Variants in PLIN5 observed in about 807,000 individuals in gnomAD.
The protein encoded by PLIN5 is perilipin 5, also known as perilipin-5.
A neutral mutation model predicts 32.8 loss-of-function variants in PLIN5; 34 were observed. The observed-to-expected ratio is 1.04, with a 90% CI of 0.79 to 1.38. PLIN5 has a LOEUF of 1.38. PLIN5 is among the 40% of genes most tolerant of loss of function. The pLI, the probability that PLIN5 is intolerant of heterozygous loss-of-function variation, is 0.00. For synonymous variants in PLIN5, 309 were observed against 292.9 expected, an observed-to-expected ratio of 1.05 and a Z score of -0.56; for missense variants, 712 against 660.5, an observed-to-expected ratio of 1.08 and a Z score of -0.85.
At chr19:4,528,135 T>C (rs1227504715) in intron 5 of PLIN5, among the ~76,000 whole-genome samples, 1 of 151,982 alleles carries the variant, frequency 6.6e-6, no homozygotes, top group East Asian at 2.0e-4. Flanking sequence ...GGTCTCGATC[T>C]CCTGACCTCG....
chr19:4,526,891 A>G (rs1976809839), intron 5 of PLIN5, among the ~76,000 whole-genome samples: 1 of 151,880 alleles, frequency 6.6e-6, no homozygotes. Context: ...ATGAATGAAA[A>G]ATAATAAAAA....
At chr19:4,527,627 C>T (rs928487301) in intron 5 of PLIN5, among the ~76,000 whole-genome samples, 11 of 147,054 alleles carry the variant, frequency 7.5e-5, no homozygotes, top group Non-Finnish European at 1.3e-4. Flanking sequence ...GAAGTCAAGG[C>T]AGGTGGCTCA....
chr19:4,530,527 G>T (rs1178727290), intron 3 of PLIN5, among the ~76,000 whole-genome samples: 1 of 152,114 alleles, frequency 6.6e-6, no homozygotes, highest in Non-Finnish European at 1.5e-5. Context: ...GGCAGAGGCA[G>T]GTGCAGAGGG....
At position 4,523,741 on chromosome 19, in the gene PLIN5, C is replaced by T. The variant is rs115044192; in HGVS notation, c.1179G>A (p.Ala393=). The change falls in exon 8 of 8, where the codon GCG becomes GCA. Residue 393 remains alanine (A), a synonymous_variant. Coordinates refer to ENST00000381848, the MANE Select transcript of PLIN5 (RefSeq NM_001013706.3). The surrounding 1 kb of genome is among the most constrained non-coding windows in gnomAD (Gnocchi z 5.0). ...CCCCGATGACCTCGTCCACCAGGTCCGCCAGGTCGGGCAGGGGCTCGGGTC... is the reference window on the plus strand; with the variant it reads ...CCCCGATGACCTCGTCCACCAGGTCTGCCAGGTCGGGCAGGGGCTCGGGTC... ...VERPEPLPDL[A]DLVDEVIGGP... 1.9e-3 allele frequency: 3,021 copies of T among 1,601,128 alleles called. 52 individuals carry two copies. The African/African-American group carries it at 0.034, about 18-fold the overall frequency.
At chr19:4,530,995 G>C (rs1380426951) in intron 3 of PLIN5, among the ~76,000 whole-genome samples, 1 of 144,310 alleles carries the variant, frequency 6.9e-6, no homozygotes, top group Non-Finnish European at 1.5e-5. Context: ...AGTTTTTTTT[G>C]TTTGTTTTTG....
At chr19:4,527,428 G>A (rs376981491) in intron 5 of PLIN5, among the ~76,000 whole-genome samples, 1 of 147,418 alleles carries the variant, frequency 6.8e-6, no homozygotes, top group East Asian at 2.1e-4. Context: ...AGTTCCATTT[G>A]TCTAGGAGGA....
chr19:4,530,755 C>T (rs948159235), intron 3 of PLIN5, among the ~76,000 whole-genome samples: 6 of 151,240 alleles, frequency 4.0e-5, no homozygotes, highest in Non-Finnish European at 8.9e-5. Flanking sequence ...TTGCTGCATC[C>T]CCTGCCTCCC....
Position 4,523,303 on chromosome 19 carries a change from G to C in PLIN5, c.*225C>G. ...AGAACCCAGCTTGTGGCTCAAGTTG[G>C]CCTGAATAGGGTTCGAGGCCCTGCT... On this transcript the variant is annotated 3_prime_UTR_variant, in exon 8 of 8. Coordinates refer to ENST00000381848, the MANE Select transcript of PLIN5 (RefSeq NM_001013706.3). This position sits in a 1 kb window ranked among gnomAD's most constrained non-coding sequence, Gnocchi z 5.0. 2.1e-6 allele frequency: 1 copy of C among 479,010 alleles called. No individual in the cohort carries two copies. Among genetic ancestry groups the C allele is most frequent in the Non-Finnish European group, 3.6e-6 (1 of 277,670 alleles). 29.7% of individuals were successfully genotyped at this position (479,010 alleles called of 1,614,324 possible). A position where few individuals can be genotyped will look rare whatever the true frequency, so the allele number is the denominator to read the frequency against.
chr19:4,534,120 G>T, intron 1 of PLIN5, 25 bp from the exon 2 acceptor site: 1 of 1,583,138 alleles, frequency 6.3e-7, no homozygotes, highest in Non-Finnish European at 8.6e-7. Context: ...TGAGTAAGGG[G>T]AGCACCTGCC....
rs1811026723 is a variant in PLIN5 at position 4,525,382 on chromosome 19, T to A, written c.720+251A>T. Among the ~76,000 whole-genome samples, 1 of 152,096 alleles carries A rather than the reference T, an allele frequency of 6.6e-6. No homozygotes were observed. The highest frequency in any genetic ancestry group is 2.4e-5 in the African/African-American group (1 of 41,404). ...AGGAAGGCTCTCTTCTGACCTACCC[T>A]AACTTGCTATAAATTCCAGCTTCTC... On this transcript the variant is annotated intron_variant, in intron 6 of 7. Transcript: ENST00000381848. The surrounding 1 kb of genome is among the most constrained non-coding windows in gnomAD (Gnocchi z 5.6).
chr19:4,529,926 G>T, intron 3 of PLIN5, 60 bp from the exon 4 acceptor site: 1 of 1,104,920 alleles, frequency 9.1e-7, no homozygotes, highest in Non-Finnish European at 1.3e-6. Flanking sequence ...TAGGGACGCA[G>T]TGAGAGTTGT....
Position 4,523,601 on chromosome 19 carries a change from T to C in PLIN5, c.1319A>G (p.Asp440Gly), listed in dbSNP as rs751484811. The C allele has an allele frequency of 6.2e-7, 1 of 1,607,158 alleles. No homozygotes were observed. The highest frequency in any genetic ancestry group is 1.3e-5 in the African/African-American group (1 of 74,408). Residue 440 changes from aspartate (D) to glycine (G), a missense_variant, in exon 8 of 8, where the codon GAC becomes GGC. Coordinates refer to ENST00000381848, the MANE Select transcript of PLIN5 (RefSeq NM_001013706.3). This position sits in a 1 kb window ranked among gnomAD's most constrained non-coding sequence, Gnocchi z 5.0. ...GGTCTCGGGTTCCTGCTCGCAGATGTCCCCGGCAACACCCATCCTGTCCCC... is the reference window on the plus strand; with the variant it reads ...GGTCTCGGGTTCCTGCTCGCAGATGCCCCCGGCAACACCCATCCTGTCCCC... ...GDGDRMGVAG[D>G]ICEQEPETPS...
chr19:4,531,821 T>C lies in PLIN5; in HGVS notation c.62A>G (p.Asn21Ser). Residue 21 changes from asparagine (N) to serine (S), a missense_variant and splice_region_variant, in exon 3 of 8, where the codon AAC becomes AGC. Transcript: ENST00000381848. The part of the protein sequence containing the change: ...RSSVWEQDQQ[N>S]VVQRVVALPL... ...CAGAGCCACCACACGCTGCACCACG[T>C]TCTGCGGGAAGGGTCGGCATCAGGG... 6.5e-7 allele frequency: 1 copy of C among 1,545,540 alleles called. No homozygotes were observed. The highest frequency in any genetic ancestry group is 8.7e-7 in the Non-Finnish European group (1 of 1,145,102).
intron 4 of PLIN5, 38 bp downstream of exon 4, chr19:4,529,746 C>T (rs751262473): frequency 4.3e-5 from 67 of 1,573,424 alleles, no homozygotes; most frequent in Non-Finnish European, 5.2e-5. Context: ...TCTGGCCTGC[C>T]CCCACTGGAG....
chr19:4,524,184 T>A, intron 7 of PLIN5, 99 bp from the exon 8 acceptor site: 3 of 1,203,364 alleles, frequency 2.5e-6, no homozygotes, highest in South Asian at 3.6e-5. Flanking sequence ...GCTGTCAACC[T>A]GTCTCATAGA....
At position 4,525,099 on chromosome 19, in the gene PLIN5, C is replaced by T; in HGVS notation, c.721-23G>A. On this transcript the variant is annotated intron_variant, in intron 6 of 7. Transcript: ENST00000381848. The surrounding 1 kb of genome is among the most constrained non-coding windows in gnomAD (Gnocchi z 5.6). ...TATCTGCAAGGACAGAAATGGTGGT[C>T]TTCAGAGCTGGGGGAGCTGGGGGAG... 1.0e-6 allele frequency: 1 copy of T among 954,408 alleles called. No individual in the cohort carries two copies. The highest frequency in any genetic ancestry group is 1.8e-5 in the African/African-American group (1 of 56,152). The allele number at this position is 954,408 out of a possible 1,614,324, so 59.1% of individuals were successfully genotyped here. A position where few individuals can be genotyped will look rare whatever the true frequency, so the allele number is the denominator to read the frequency against.
intron 7 of PLIN5, 47 bp downstream of exon 7, chr19:4,524,916 C>T (rs548460000): frequency 9.5e-6 from 14 of 1,476,024 alleles, no homozygotes; most frequent in African/African-American, 8.7e-5. Context: ...TCTTCCTCCG[C>T]GGCCTGGTGG....
intron 2 of PLIN5, chr19:4,532,598 C>T (rs1290008512): frequency 6.6e-6 from 1 of 152,208 alleles, no homozygotes; most frequent in Non-Finnish European, 1.5e-5. Context: ...ATCCACCCAC[C>T]TCAGGTGATC....
chr19:4,525,319 G>A lies in PLIN5; in HGVS notation c.721-243C>T, dbSNP rs545860950. 6.6e-5 allele frequency among the ~76,000 whole-genome samples: 10 copies of A among 152,162 alleles called. No homozygotes were observed. Among genetic ancestry groups the A allele is most frequent in the Non-Finnish European group, 1.2e-4 (8 of 68,028 alleles). On this transcript the variant is annotated intron_variant, in intron 6 of 7. Transcript: ENST00000381848. The surrounding 1 kb of genome is among the most constrained non-coding windows in gnomAD (Gnocchi z 5.6). ...CAGGTGCCCTCTGGTGGCTGCTGCG[G>A]GGAGGGAAGAGCTGAGGATGGGAGG...
Sources: allele counts gnomAD v4.1 joint callset (sites outside exome capture counted in the v4.1 genomes callset), GRCh38; gene constraint gnomAD v4.1.1; non-coding constraint Gnocchi (gnomAD v3.1); transcripts MANE v1.5; gene names NCBI Gene and HGNC (gene_info 2026-07-23, HGNC 2026-07-21).